MIPOL1: variants seen among roughly 807,000 people sequenced by gnomAD.
MIPOL1 encodes mirror-image polydactyly 1.
Under a neutral mutation model 60.9 loss-of-function variants are expected in MIPOL1, and 57 were observed. That is an observed-to-expected ratio of 0.94 (90% CI 0.76 to 1.17). The LOEUF (loss-of-function observed/expected upper bound fraction) is 1.17, where lower values mean the gene tolerates loss of function less well. Among genes scored for constraint, MIPOL1 ranks in the 50% most tolerant of loss-of-function variants. MIPOL1 has a pLI of 0.00. For missense variants in MIPOL1, 551 were observed against 511.6 expected (o/e 1.08, Z -0.74); for synonymous variants, 179 against 168.8 (o/e 1.06, Z -0.47).
At chr14:37,309,516 T>C (rs1195587848) in intron 9 of MIPOL1, among the ~76,000 whole-genome samples, 1 of 152,100 alleles carries the variant, frequency 6.6e-6, no homozygotes, top group East Asian at 1.9e-4. Flanking sequence ...TGCAGCCTCT[T>C]ATTTCCTAAA....
intron 9 of MIPOL1, among the ~76,000 whole-genome samples, chr14:37,308,961 A>G (rs2087037106): frequency 6.6e-6 from 1 of 151,994 alleles, no homozygotes; most frequent in South Asian, 2.1e-4. Context: ...TTTTTTCTGA[A>G]TGCTACTTAC....
chr14:37,528,634 T>C (rs2095462251), intron 12 of MIPOL1, among the ~76,000 whole-genome samples: 1 of 152,168 alleles, frequency 6.6e-6, no homozygotes, highest in African/African-American at 2.4e-5. Flanking sequence ...TAATATTCTC[T>C]AAGAGTGATC....
At chr14:37,245,482 G>GTGC (rs1163642771) in intron 1 of MIPOL1, among the ~76,000 whole-genome samples, 1 of 152,086 alleles carries the variant, frequency 6.6e-6, no homozygotes, top group Non-Finnish European at 1.5e-5. Context: ...CAAAGCAAAT[G>GTGC]TGCTGTACAT....
intron 6 of MIPOL1, among the ~76,000 whole-genome samples, chr14:37,282,102 C>T (rs752952214): frequency 3.3e-5 from 5 of 151,790 alleles, no homozygotes; most frequent in Non-Finnish European, 7.4e-5. Flanking sequence ...ACCAAAGAAG[C>T]CCTCTGTATA....
intron 6 of MIPOL1, among the ~76,000 whole-genome samples, chr14:37,270,753 T>C (rs2083244757): frequency 6.6e-6 from 1 of 151,672 alleles, no homozygotes; most frequent in Admixed American, 6.6e-5. Context: ...TTAAATGCAT[T>C]GTTAACACCA....
intron 11 of MIPOL1, among the ~76,000 whole-genome samples, chr14:37,425,512 A>G (rs2093946151): frequency 6.6e-6 from 1 of 152,146 alleles, no homozygotes; most frequent in Non-Finnish European, 1.5e-5. Context: ...TGATGTAATA[A>G]AGCCACTGGG....
At chr14:37,202,711 T>C (rs968684524) in intron 1 of MIPOL1, among the ~76,000 whole-genome samples, 4 of 152,194 alleles carry the variant, frequency 2.6e-5, no homozygotes, top group Non-Finnish European at 5.9e-5. Flanking sequence ...GTGAGTCCAA[T>C]TGTAGTCATT....
In MIPOL1 at chr14:37,369,521, A is replaced by G. The variant is rs748749969; in HGVS notation, c.833A>G (p.Lys278Arg). The stretch of plus-strand genomic sequence containing the variant: ...GGGATTCTTCCCCTGTGGCAGTGCA[A>G]ACGGTTAGAGCAGGAGCTTCATCAT... Reference protein sequence around the residue: ...EERDAALSKCKRLEQELHHVK... With the variant: ...EERDAALSKCRRLEQELHHVK... The change falls in exon 10 of 13, where the codon AAA (lysine) becomes AGA (arginine). Residue 278 changes from lysine to arginine, a missense_variant. Physicochemically the swap from Lys to Arg is conservative, Grantham distance 26 (BLOSUM62 2). Coordinates refer to ENST00000684589, the MANE Select transcript of MIPOL1 (RefSeq NM_001388067.1). 5.0e-6 allele frequency: 8 copies of G among 1,610,308 alleles called. No homozygotes were observed. Among genetic ancestry groups the G allele is most frequent in the African/African-American group, 4.0e-5 (3 of 74,818 alleles).
chr14:37,238,708 C>T (rs992329047), intron 1 of MIPOL1, among the ~76,000 whole-genome samples: 10 of 150,726 alleles, frequency 6.6e-5, no homozygotes, highest in South Asian at 6.3e-4. Context: ...CCCAACACTT[C>T]GGAAGGTGGA....
chr14:37,349,023 C>G (rs1166665649), intron 9 of MIPOL1, among the ~76,000 whole-genome samples: 1 of 116,666 alleles, frequency 8.6e-6, no homozygotes, highest in African/African-American at 3.3e-5. Flanking sequence ...GAGTTTCGCT[C>G]TGTTGCCTAG....
At chr14:37,332,198 A>C (rs1423365239) in intron 9 of MIPOL1, among the ~76,000 whole-genome samples, 1 of 151,522 alleles carries the variant, frequency 6.6e-6, no homozygotes, top group Admixed American at 6.6e-5. Flanking sequence ...TAGGTTTGTC[A>C]TTTATGGCCT....
chr14:37,295,374 G>A (rs1261050952), intron 7 of MIPOL1, among the ~76,000 whole-genome samples: 2 of 152,268 alleles, frequency 1.3e-5, no homozygotes, highest in East Asian at 3.9e-4. Flanking sequence ...AGACCATCAA[G>A]GCTAGGAAGA....
chr14:37,408,877 A>G (rs1251055626), intron 10 of MIPOL1, among the ~76,000 whole-genome samples: 1 of 152,214 alleles, frequency 6.6e-6, no homozygotes, highest in Non-Finnish European at 1.5e-5. Context: ...CACAAAAAGT[A>G]GATGAAATGT....
At chr14:37,285,206 TTTA>T in intron 6 of MIPOL1, 109 bp from the exon 7 acceptor site, 1 of 1,065,042 alleles carries the variant, frequency 9.4e-7, no homozygotes, top group African/African-American at 1.6e-5. Flanking sequence ...ATTAATTCAG[TTTA>T]TTGAGTAGTC....
intron 10 of MIPOL1, among the ~76,000 whole-genome samples, chr14:37,389,919 G>A (rs2093187365): frequency 6.6e-6 from 1 of 151,904 alleles, no homozygotes; most frequent in South Asian, 2.1e-4. Context: ...AAGAACTAGA[G>A]GCTGGGCACG....
chr14:37,321,978 C>A (rs1340353091), intron 9 of MIPOL1, among the ~76,000 whole-genome samples: 1 of 151,896 alleles, frequency 6.6e-6, no homozygotes, highest in East Asian at 1.9e-4. Context: ...TTACAGTGAA[C>A]GTTTATATAT....
chr14:37,484,028 T>C (rs1210081471), intron 11 of MIPOL1, among the ~76,000 whole-genome samples: 1 of 152,228 alleles, frequency 6.6e-6, no homozygotes, highest in Admixed American at 6.5e-5. Context: ...TAAGTATCAG[T>C]ACCATCAACA....
chr14:37,218,823 G>T (rs1968214054), intron 1 of MIPOL1, among the ~76,000 whole-genome samples: 1 of 151,502 alleles, frequency 6.6e-6, no homozygotes, highest in South Asian at 2.1e-4. Flanking sequence ...TAGTCAGGAG[G>T]CTGAGGTGGG....
chr14:37,483,295 A>T (rs1208498891), intron 11 of MIPOL1, among the ~76,000 whole-genome samples: 1 of 151,514 alleles, frequency 6.6e-6, no homozygotes, highest in East Asian at 2.0e-4. Flanking sequence ...TGTATTTTTT[A>T]GTAGAGATGA....
Sources: allele counts gnomAD v4.1 joint callset (sites outside exome capture counted in the v4.1 genomes callset), GRCh38; gene constraint gnomAD v4.1.1; transcripts MANE v1.5; gene names NCBI Gene and HGNC (gene_info 2026-07-23, HGNC 2026-07-21).